Variants in CACNA2D2 observed in about 807,000 individuals in gnomAD.
CACNA2D2 encodes voltage-dependent calcium channel subunit alpha-2/delta-2.
CACNA2D2 carries 48 observed loss-of-function variants against 166.4 expected under a neutral mutation model. That is an observed-to-expected ratio of 0.29 (90% CI 0.23 to 0.37). The LOEUF is 0.37. Ranked by LOEUF, CACNA2D2 falls within the 10% of genes least tolerant of loss-of-function variation. The pLI is 1.00. For missense variants in CACNA2D2, 1,122 were observed against 1,433.0 expected, an observed-to-expected ratio of 0.78 and a Z score of 3.50; for synonymous variants, 561 against 573.7, an observed-to-expected ratio of 0.98 and a Z score of 0.32.
intron 3 of CACNA2D2, among the ~76,000 whole-genome samples, chr3:50,432,128 G>A (rs1289985942): frequency 1.3e-5 from 2 of 152,180 alleles, no homozygotes; most frequent in Non-Finnish European, 2.9e-5. Context: ...GGGGGGTGCA[G>A]GGAGAGGGTT....
At chr3:50,455,911 C>T (rs764998326) in intron 2 of CACNA2D2, among the ~76,000 whole-genome samples, 2 of 152,154 alleles carry the variant, frequency 1.3e-5, no homozygotes, top group Non-Finnish European at 2.9e-5. Flanking sequence ...TTCCTCTCCT[C>T]GTTCTGCCCC....
At chr3:50,497,691 C>T (rs1200639000) in intron 1 of CACNA2D2, among the ~76,000 whole-genome samples, 2 of 152,084 alleles carry the variant, frequency 1.3e-5, no homozygotes, top group African/African-American at 4.8e-5. Flanking sequence ...TTAGGGAGGC[C>T]CCAAGAGACC....
chr3:50,383,867 C>G (rs1315056476), intron 6 of CACNA2D2, among the ~76,000 whole-genome samples: 1 of 152,104 alleles, frequency 6.6e-6, no homozygotes, highest in Admixed American at 6.6e-5. Flanking sequence ...CAGGGGCAGG[C>G]GGGCACTCAG....
chr3:50,449,894 T>C (rs1709022085), intron 2 of CACNA2D2, among the ~76,000 whole-genome samples: 1 of 152,140 alleles, frequency 6.6e-6, no homozygotes, highest in African/African-American at 2.4e-5. Context: ...ACCCATGAAG[T>C]GGAGCTGCTT....
intron 2 of CACNA2D2, among the ~76,000 whole-genome samples, chr3:50,468,498 C>A (rs189784805): frequency 6.8e-6 from 1 of 146,748 alleles, no homozygotes; most frequent in Non-Finnish European, 1.5e-5. Context: ...AAGGATTGAG[C>A]GGCCCTCACT....
intron 3 of CACNA2D2, among the ~76,000 whole-genome samples, chr3:50,423,893 G>C (rs547533829): frequency 6.6e-6 from 1 of 152,360 alleles, no homozygotes; most frequent in African/African-American, 2.4e-5. Flanking sequence ...AGGCTGGCAG[G>C]AGGCCCTGCA....
At chr3:50,385,966 T>C (rs1437107625) in intron 5 of CACNA2D2, among the ~76,000 whole-genome samples, 1 of 152,110 alleles carries the variant, frequency 6.6e-6, no homozygotes, top group Admixed American at 6.6e-5. Context: ...TTCCTTTTCT[T>C]TCCCCCACCC....
intron 2 of CACNA2D2, among the ~76,000 whole-genome samples, chr3:50,460,474 G>GTT (rs11315902): frequency 2.0e-5 from 3 of 150,068 alleles, no homozygotes; most frequent in South Asian, 4.2e-4. Flanking sequence ...AAAATAAAAA[G>GTT]TTTTTTTTTT....
chr3:50,420,755 G>GC (rs1707517151), intron 3 of CACNA2D2, among the ~76,000 whole-genome samples: 1 of 152,164 alleles, frequency 6.6e-6, no homozygotes, highest in Non-Finnish European at 1.5e-5. Flanking sequence ...CTGGCAACTG[G>GC]CACAGCCCAT....
chr3:50,379,243 G>T lies in CACNA2D2; in HGVS notation c.1153-44C>A. The T allele has an allele frequency of 6.5e-7, 1 of 1,548,874 alleles. No homozygotes were observed. Among genetic ancestry groups the T allele is most frequent in the Non-Finnish European group, 8.9e-7 (1 of 1,121,436 alleles). On this transcript the variant is annotated intron_variant, in intron 11 of 37. Transcript: ENST00000424201. This position sits in a 1 kb window ranked among gnomAD's most constrained non-coding sequence, Gnocchi z 6.5. The stretch of plus-strand genomic sequence containing the variant: ...AGGCAGGCAGCTCTCAGCCCTCCCT[G>T]GTCCAGGGGCAGGGCCTCCCTCCCG...
At position 50,366,392 on chromosome 3, in the gene CACNA2D2, C is replaced by G. The variant is rs1334299113; in HGVS notation, c.2638-54G>C. 3.2e-5 allele frequency: 50 copies of G among 1,576,112 alleles called. No homozygotes were observed. The highest frequency in any genetic ancestry group is 4.3e-5 in the Non-Finnish European group (49 of 1,145,802). On this transcript the variant is annotated intron_variant, in intron 30 of 37. Transcript: ENST00000424201. The surrounding 1 kb of genome is among the most constrained non-coding windows in gnomAD (Gnocchi z 5.9). ...GGAGAGGGGCTGGGCCCCGGACCTT[C>G]CACCGCAGGCAGTCCAGTGGTTCAG...
At chr3:50,408,844 G>A (rs1230300272) in intron 3 of CACNA2D2, among the ~76,000 whole-genome samples, 1 of 152,246 alleles carries the variant, frequency 6.6e-6, no homozygotes, top group Non-Finnish European at 1.5e-5. Flanking sequence ...CAGAGCCATG[G>A]CACCAACTGG....
At chr3:50,398,995 G>C (rs1389160213) in intron 3 of CACNA2D2, among the ~76,000 whole-genome samples, 1 of 152,220 alleles carries the variant, frequency 6.6e-6, no homozygotes, top group Non-Finnish European at 1.5e-5. Context: ...TGGGAGCTGA[G>C]GCAGGCAAGA....
chr3:50,430,003 A>G (rs528623409), intron 3 of CACNA2D2, among the ~76,000 whole-genome samples: 92 of 152,278 alleles, frequency 6.0e-4, no homozygotes, highest in Middle Eastern at 3.4e-3. Flanking sequence ...GGACAATGGG[A>G]GGGACCTGAG....
At chr3:50,384,094 A>G (rs761649649) in intron 6 of CACNA2D2, 102 bp downstream of exon 6, 6 of 1,432,934 alleles carry the variant, frequency 4.2e-6, no homozygotes, top group Non-Finnish European at 5.8e-6. Context: ...CTGGAGGTAG[A>G]TGGCACTGGC....
At chr3:50,403,222 G>A (rs1559914722) in intron 3 of CACNA2D2, among the ~76,000 whole-genome samples, 1 of 152,122 alleles carries the variant, frequency 6.6e-6, no homozygotes, top group African/African-American at 2.4e-5. Context: ...GGAGAGCAGG[G>A]CATAGACAGC....
chr3:50,471,288 C>G (rs1393192441), intron 2 of CACNA2D2, among the ~76,000 whole-genome samples: 12 of 152,158 alleles, frequency 7.9e-5, no homozygotes, highest in Admixed American at 7.8e-4. Context: ...GTGCGACAGC[C>G]TGTACCAGTG....
chr3:50,366,347 A>G lies in CACNA2D2; in HGVS notation c.2638-9T>C. ...AGGACACAGAGTAAGTCCTAGGAGG[A>G]AGGGAATGGGGAGGAAAATGGAGAG... On this transcript the variant is annotated splice_polypyrimidine_tract_variant and intron_variant, in intron 30 of 37. Coordinates refer to ENST00000424201, the MANE Select transcript of CACNA2D2 (RefSeq NM_006030.4). The surrounding 1 kb of genome is among the most constrained non-coding windows in gnomAD (Gnocchi z 5.9). 6.2e-7 allele frequency: 1 copy of G among 1,613,852 alleles called. No homozygotes were observed. Among genetic ancestry groups the G allele is most frequent in the Non-Finnish European group, 8.5e-7 (1 of 1,179,830 alleles).
Position 50,366,702 on chromosome 3 carries a change from C to T in CACNA2D2, c.2590-77G>A, listed in dbSNP as rs1481837374. The T allele has an allele frequency of 6.3e-7, 1 of 1,584,774 alleles. No individual in the cohort carries two copies. Among genetic ancestry groups the T allele is most frequent in the Non-Finnish European group, 8.7e-7 (1 of 1,155,342 alleles). ...CCATCACCTTTCATACATCCGGTTC[C>T]CCAGGCCATCTGCAGCTGGCCCTGC... On this transcript the variant is annotated intron_variant, in intron 29 of 37. Transcript: ENST00000424201. The surrounding 1 kb of genome is among the most constrained non-coding windows in gnomAD (Gnocchi z 5.9).
Sources: gnomAD v4.1 joint callset for allele counts (sites outside exome capture counted in the v4.1 genomes callset) on GRCh38, gnomAD v4.1.1 for gene constraint, Gnocchi (gnomAD v3.1) non-coding constraint, MANE v1.5 for transcripts, NCBI Gene and HGNC (gene_info 2026-07-23, HGNC 2026-07-21) for gene names.